The following RASSF3 variants were observed in gnomAD, a reference collection of about 807,000 sequenced individuals.
The protein encoded by RASSF3 is ras association domain-containing protein 3.
RASSF3 carries 19 observed loss-of-function variants against 19.9 expected under a neutral mutation model. That is an observed-to-expected ratio of 0.96 (90% CI 0.67 to 1.40). RASSF3 has a LOEUF of 1.40. RASSF3 is among the 40% of genes most tolerant of loss of function. The pLI is 0.00. For synonymous variants in RASSF3, 110 were observed against 104.2 expected (o/e 1.06, Z -0.34); for missense variants, 306 against 289.8 (o/e 1.06, Z -0.41).
chr12:64,523,854 C>T (rs915108653), intron 1 of RASSF3, among the ~76,000 whole-genome samples: 1 of 151,802 alleles, frequency 6.6e-6, no homozygotes. Context: ...ATTACAAGAA[C>T]ATGCCACTGC....
chr12:64,665,213 A>G (rs1392938911), intron 1 of RASSF3, among the ~76,000 whole-genome samples: 1 of 152,210 alleles, frequency 6.6e-6, no homozygotes, highest in East Asian at 1.9e-4. Flanking sequence ...AAATGTGGGC[A>G]GATTAGTCCC....
At chr12:64,575,136 C>T (rs1489764496) in intron 2 of RASSF3, among the ~76,000 whole-genome samples, 1 of 152,126 alleles carries the variant, frequency 6.6e-6, no homozygotes, top group Non-Finnish European at 1.5e-5. Context: ...CATAGCAAAT[C>T]CTAAAGAACC....
intron 1 of RASSF3, among the ~76,000 whole-genome samples, chr12:64,514,188 C>CTTTTTTTT (rs138925359): frequency 6.4e-5 from 5 of 78,010 alleles, no homozygotes; most frequent in African/African-American, 1.9e-4. Flanking sequence ...CGCTCAGCCT[C>CTTTTTTTT]TTTTTTTTTT....
rs183337229 is a variant in RASSF3, at chr12:64,637,887, A to G, written c.111+27144A>G. Reference sequence around the variant, plus strand: ...TTGCTCTGTCGCCAGGCTGGAGTGCAGTGGCACAATCTTGGCTGACTGCAA... The same window carrying G: ...TTGCTCTGTCGCCAGGCTGGAGTGCGGTGGCACAATCTTGGCTGACTGCAA... On this transcript the variant is annotated intron_variant, in intron 1 of 4. Transcript: ENST00000542104. Among the ~76,000 whole-genome samples, 143 of 150,200 alleles carry G rather than the reference A, an allele frequency of 9.5e-4. 1 individual carries two copies. Among genetic ancestry groups the G allele is most frequent in the East Asian group, 8.9e-3 (45 of 5,048 alleles).
At chr12:64,587,362 T>G (rs1869831145) in intron 2 of RASSF3, among the ~76,000 whole-genome samples, 2 of 152,104 alleles carry the variant, frequency 1.3e-5, no homozygotes, top group African/African-American at 4.8e-5. Context: ...CGGCCTCCTC[T>G]CCTCACTTTT....
chr12:64,685,495 T>G (rs1361515971), intron 2 of RASSF3, among the ~76,000 whole-genome samples: 3 of 152,194 alleles, frequency 2.0e-5, no homozygotes, highest in East Asian at 3.8e-4. Context: ...TCTGCCCAGC[T>G]TGGCCTCCCA....
chr12:64,541,401 T>C (rs1868931754), intron 1 of RASSF3, among the ~76,000 whole-genome samples: 1 of 152,240 alleles, frequency 6.6e-6, no homozygotes, highest in African/African-American at 2.4e-5. Flanking sequence ...GAGGCCAAGA[T>C]AGTCTAGGTT....
chr12:64,552,825 C>CTT (rs148374637), intron 2 of RASSF3, among the ~76,000 whole-genome samples: 2 of 151,706 alleles, frequency 1.3e-5, no homozygotes, highest in African/African-American at 4.8e-5. Context: ...TTCTTTCTTT[C>CTT]TTTTTTTTGA....
rs540736171 is a variant in RASSF3, at chr12:64,695,155, C to T, written c.*243C>T. 18 of 424,806 alleles carry T rather than the reference C, an allele frequency of 4.2e-5. No homozygotes were observed. Among genetic ancestry groups the T allele is most frequent in the South Asian group, 3.8e-4 (7 of 18,596 alleles). The allele number at this position is 424,806 out of a possible 1,614,324, so 26.3% of individuals were successfully genotyped here. A position where few individuals can be genotyped will look rare whatever the true frequency, so the allele number is the denominator to read the frequency against. ...ACCTCTTGGCAAGCTGTGAACCTGT[C>T]GCCTCATCAGGAGCATTCGAGGGTG... On this transcript the variant is annotated 3_prime_UTR_variant, in exon 5 of 5. Transcript: ENST00000542104.
downstream of RASSF3, among the ~76,000 whole-genome samples, chr12:64,543,902 T>G (rs967374200): frequency 2.0e-5 from 3 of 151,982 alleles, no homozygotes; most frequent in Non-Finnish European, 4.4e-5. Flanking sequence ...CATGGAGAAC[T>G]TTTGTGTCTA....
chr12:64,602,571 C>A (rs1306262145), intron 2 of RASSF3, among the ~76,000 whole-genome samples: 1 of 148,028 alleles, frequency 6.8e-6, no homozygotes, highest in Non-Finnish European at 1.5e-5. Flanking sequence ...CAGAGCGAGA[C>A]TCCATCTCAA....
At chr12:64,573,670 C>T (rs1006040040) in intron 2 of RASSF3, among the ~76,000 whole-genome samples, 5 of 152,180 alleles carry the variant, frequency 3.3e-5, no homozygotes, top group Non-Finnish European at 5.9e-5. Context: ...CAGTTCCTTG[C>T]TATTTGGGCC....
intron 2 of RASSF3, among the ~76,000 whole-genome samples, chr12:64,587,944 T>C (rs1257485046): frequency 6.6e-6 from 1 of 152,218 alleles, no homozygotes; most frequent in African/African-American, 2.4e-5. Context: ...GCTGCATCTT[T>C]AAGTTTCTAT....
chr12:64,608,590 G>A (rs532053382), upstream of RASSF3, among the ~76,000 whole-genome samples: 1 of 152,300 alleles, frequency 6.6e-6, no homozygotes, highest in African/African-American at 2.4e-5. Context: ...GAGCCATCGC[G>A]CCCGGCCAAT....
intron 1 of RASSF3, among the ~76,000 whole-genome samples, chr12:64,541,278 G>T (rs918892363): frequency 6.6e-6 from 1 of 152,172 alleles, no homozygotes; most frequent in South Asian, 2.1e-4. Context: ...GAGCCACAGC[G>T]CCCGGCCAAT....
intron 1 of RASSF3, among the ~76,000 whole-genome samples, chr12:64,678,893 T>G (rs1873013563): frequency 6.6e-6 from 1 of 152,190 alleles, no homozygotes; most frequent in Admixed American, 6.5e-5. Flanking sequence ...ATGAGAAAAC[T>G]GAGGCCCAGA....
At chr12:64,624,998 A>C (rs113016218) in intron 1 of RASSF3, among the ~76,000 whole-genome samples, 2 of 152,132 alleles carry the variant, frequency 1.3e-5, no homozygotes, top group Admixed American at 6.5e-5. Flanking sequence ...ATCCTCCTAC[A>C]TGTGATTATA....
At chr12:64,684,163 T>G (rs1233264060) in intron 1 of RASSF3, among the ~76,000 whole-genome samples, 2 of 149,670 alleles carry the variant, frequency 1.3e-5, no homozygotes, top group African/African-American at 4.9e-5. Context: ...TATGGCTCAC[T>G]ACAGCCTCGA....
intron 2 of RASSF3, among the ~76,000 whole-genome samples, chr12:64,557,673 C>A (rs751156775): frequency 6.6e-6 from 1 of 152,080 alleles, no homozygotes; most frequent in Non-Finnish European, 1.5e-5. Context: ...ATTCTTTCTA[C>A]GGGGAACACA....
Sources: gnomAD v4.1 joint callset for allele counts (sites outside exome capture counted in the v4.1 genomes callset) on GRCh38, gnomAD v4.1.1 for gene constraint, MANE v1.5 for transcripts, NCBI Gene and HGNC (gene_info 2026-07-23, HGNC 2026-07-21) for gene names.